The following CORIN variants were observed in gnomAD, a reference collection of about 807,000 sequenced individuals.
CORIN encodes atrial natriuretic peptide-converting enzyme.
Under a neutral mutation model 125.3 loss-of-function variants are expected in CORIN, and 117 were observed. That is an observed-to-expected ratio of 0.93 (90% CI 0.80 to 1.09). CORIN has a LOEUF of 1.09. CORIN is among the 50% of genes least tolerant of loss of function. The pLI is 0.00. For synonymous variants in CORIN, 450 were observed against 466.4 expected, an observed-to-expected ratio of 0.96 and a Z score of 0.45; for missense variants, 1,253 against 1,306.7, an observed-to-expected ratio of 0.96 and a Z score of 0.63.
At chr4:47,632,206 A>G (rs909293543) in intron 16 of CORIN, 9 of 152,224 alleles carry the variant, frequency 5.9e-5, no homozygotes, top group African/African-American at 2.2e-4. Context: ...GGAATTACCT[A>G]GACATGTAAC....
In CORIN at chr4:47,674,456, G is replaced by A. The variant is rs575246542; in HGVS notation, c.1294C>T (p.Pro432Ser). The change falls in exon 10 of 22, where the codon CCC (proline) becomes TCC (serine). Residue 432 changes from proline (P) to serine (S), a missense_variant. Physicochemically the swap from Pro to Ser is moderately conservative, Grantham distance 74. Coordinates refer to ENST00000273857, the MANE Select transcript of CORIN (RefSeq NM_006587.4). Reference protein sequence around the residue: ...QEGDQRCLYNPCLDSCGGSSL... With the variant: ...QEGDQRCLYNSCLDSCGGSSL... ...CTACCACCACATGAATCAAGGCAGG[G>A]ATTGTAGAGGCATCTTTGGTCTCCT... 25 of 1,614,012 alleles carry A rather than the reference G, an allele frequency of 1.5e-5. No homozygotes were observed. In the South Asian group the frequency reaches 2.6e-4, roughly 17 times the overall value.
At chr4:47,738,710 C>G (rs762472262) in intron 5 of CORIN, among the ~76,000 whole-genome samples, 2 of 152,062 alleles carry the variant, frequency 1.3e-5, no homozygotes, top group Non-Finnish European at 2.9e-5. Context: ...AAACAGTCAA[C>G]AAAAACTGTT....
intron 13 of CORIN, chr4:47,652,749 G>A (rs988777181): frequency 2.0e-5 from 3 of 152,154 alleles, no homozygotes; most frequent in Non-Finnish European, 4.4e-5. Context: ...GAAAAAATAT[G>A]AGAGGACATG....
chr4:47,719,235 TC>T (rs1182787367), intron 5 of CORIN, among the ~76,000 whole-genome samples: 1 of 152,210 alleles, frequency 6.6e-6, no homozygotes, highest in Admixed American at 6.5e-5. Flanking sequence ...CTGGTGGTCA[TC>T]CTTCCTTCTA....
At position 47,653,672 on chromosome 4, in the gene CORIN, A is replaced by G; in HGVS notation, c.1736-12T>C. On this transcript the variant is annotated splice_polypyrimidine_tract_variant and intron_variant, in intron 12 of 21. Coordinates refer to ENST00000273857, the MANE Select transcript of CORIN (RefSeq NM_006587.4). ...ACTAGGTGAGCATTCTATTAAAAAC[A>G]ATATTACTGTTAAAGGGCTGAAAAC... 1.2e-6 allele frequency: 2 copies of G among 1,605,360 alleles called. No individual in the cohort carries two copies. Among genetic ancestry groups the G allele is most frequent in the South Asian group, 2.2e-5 (2 of 90,506 alleles).
At chr4:47,685,952 G>T (rs918099436) in intron 6 of CORIN, among the ~76,000 whole-genome samples, 1 of 150,312 alleles carries the variant, frequency 6.7e-6, no homozygotes. Flanking sequence ...AAATCAAGCA[G>T]TCAGTGGTTC....
intron 5 of CORIN, among the ~76,000 whole-genome samples, chr4:47,699,829 T>G (rs1560511083): frequency 1.3e-5 from 2 of 152,250 alleles, no homozygotes; most frequent in Non-Finnish European, 2.9e-5. Context: ...GCATTTGCTC[T>G]TAGTAGGACA....
At chr4:47,792,049 T>C (rs894820561) in intron 2 of CORIN, among the ~76,000 whole-genome samples, 1 of 152,194 alleles carries the variant, frequency 6.6e-6, no homozygotes, top group African/African-American at 2.4e-5. Context: ...GGAAAGCCTG[T>C]TTAGAGACGA....
At chr4:47,724,930 G>T (rs1426357780) in intron 5 of CORIN, among the ~76,000 whole-genome samples, 1 of 152,158 alleles carries the variant, frequency 6.6e-6, no homozygotes, top group African/African-American at 2.4e-5. Flanking sequence ...GAGGTGAGGG[G>T]ATTATACAGG....
chr4:47,820,931 T>C (rs1732482283), intron 1 of CORIN, among the ~76,000 whole-genome samples: 1 of 152,188 alleles, frequency 6.6e-6, no homozygotes, highest in Admixed American at 6.5e-5. Context: ...AAATAATTTA[T>C]GGCAATGTGA....
intron 5 of CORIN, among the ~76,000 whole-genome samples, chr4:47,708,563 G>C (rs563502890): frequency 6.6e-6 from 1 of 152,044 alleles, no homozygotes; most frequent in Non-Finnish European, 1.5e-5. Context: ...GACATCTTTG[G>C]GGGGGTCATT....
chr4:47,648,327 T>C (rs1042425519), intron 13 of CORIN, among the ~76,000 whole-genome samples: 1 of 152,154 alleles, frequency 6.6e-6, no homozygotes, highest in Non-Finnish European at 1.5e-5. Context: ...TAATTGAGGA[T>C]ACAGTGTTCC....
chr4:47,614,629 G>A (rs1287852760), intron 19 of CORIN, among the ~76,000 whole-genome samples: 28 of 152,186 alleles, frequency 1.8e-4, no homozygotes, highest in Admixed American at 1.8e-3. Flanking sequence ...CCAAGGCATG[G>A]GAGGAGCTGG....
rs549064919 is a variant in CORIN, at chr4:47,626,398, T to C, written c.2315+7A>G. On this transcript the variant is annotated splice_region_variant and intron_variant, in intron 17 of 21. Transcript: ENST00000273857. Reference sequence around the variant, plus strand: ...ACTCTACACAGCTCTTATGAATGCATTCTTACCCATTTACTAGAAGTTCAT... The same window carrying C: ...ACTCTACACAGCTCTTATGAATGCACTCTTACCCATTTACTAGAAGTTCAT... The C allele has an allele frequency of 5.3e-6, 8 of 1,508,494 alleles. No homozygotes were observed. In the South Asian group the frequency reaches 5.6e-5, roughly 11 times the overall value. 93.4% of individuals were successfully genotyped at this position (1,508,494 alleles called of 1,614,324 possible).
intron 12 of CORIN, among the ~76,000 whole-genome samples, chr4:47,655,234 C>G (rs1425931929): frequency 1.3e-5 from 2 of 151,890 alleles, no homozygotes; most frequent in Admixed American, 1.3e-4. Context: ...TCAGGTGTAA[C>G]TCAGCACATT....
intron 5 of CORIN, chr4:47,707,004 A>G (rs1726602602): frequency 6.6e-7 from 1 of 1,517,616 alleles, no homozygotes; most frequent in Non-Finnish European, 8.8e-7. Flanking sequence ...TAAAGTTTGT[A>G]AAATTCATAC....
At chr4:47,638,241 A>G (rs559422721) in intron 16 of CORIN, among the ~76,000 whole-genome samples, 1 of 152,338 alleles carries the variant, frequency 6.6e-6, no homozygotes, top group East Asian at 1.9e-4. Context: ...CAGGCTTATA[A>G]GATGGAAGGG....
chr4:47,815,744 G>A (rs954610692), intron 1 of CORIN, among the ~76,000 whole-genome samples: 18 of 152,010 alleles, frequency 1.2e-4, no homozygotes, highest in African/African-American at 3.4e-4. Context: ...TAGAGAATAC[G>A]GGGGGAAAGA....
chr4:47,693,113 G>T, intron 5 of CORIN, 30 bp from the exon 6 acceptor site: 1 of 1,373,850 alleles, frequency 7.3e-7, no homozygotes, highest in Non-Finnish European at 1.0e-6. Context: ...AATAATGTCA[G>T]AATAAGATGG....
Sources: gnomAD v4.1 joint callset for allele counts (sites outside exome capture counted in the v4.1 genomes callset) on GRCh38, gnomAD v4.1.1 for gene constraint, MANE v1.5 for transcripts, NCBI Gene and HGNC (gene_info 2026-07-23, HGNC 2026-07-21) for gene names.